GTF2IRD1: variants seen among roughly 807,000 people sequenced by gnomAD.
GTF2IRD1 encodes general transcription factor II-I repeat domain-containing protein 1.
GTF2IRD1 carries 26 observed loss-of-function variants against 113.2 expected under a neutral mutation model. The observed-to-expected ratio is 0.23, with a 90% CI of 0.17 to 0.32. The LOEUF is 0.32. GTF2IRD1 is among the 10% of genes least tolerant of loss of function. GTF2IRD1 has a pLI of 1.00. For missense variants in GTF2IRD1, 864 were observed against 1,280.8 expected (o/e 0.67, Z 4.97); for synonymous variants, 484 against 529.1 (o/e 0.91, Z 1.17).
In GTF2IRD1 at chr7:74,500,354, G is replaced by C. The variant is rs553634220; in HGVS notation, c.-6-7721G>C. Among the ~76,000 whole-genome samples the C allele has an allele frequency of 1.1e-4, 16 of 152,168 alleles. No individual in the cohort carries two copies. In the East Asian group the frequency reaches 1.9e-3, roughly 18 times the overall value. ...AGCACTTTGGGAGGGAGGCCAAGGT[G>C]GGTGGATCGCTTGGGCTCGGGAGTT... On this transcript the variant is annotated intron_variant, in intron 1 of 26. Coordinates refer to ENST00000424337, the MANE Select transcript of GTF2IRD1 (RefSeq NM_005685.4).
intron 4 of GTF2IRD1, 118 bp downstream of exon 4, chr7:74,515,714 A>G: frequency 1.3e-6 from 1 of 798,964 alleles, no homozygotes; most frequent in Non-Finnish European, 2.0e-6. Flanking sequence ...CCGGACCCCA[A>G]GGCATGGGGC....
rs28561964 is a variant in GTF2IRD1, at chr7:74,561,366, G to A, written c.2320+1711G>A. Among the ~76,000 whole-genome samples the A allele has an allele frequency of 2.7e-3, 275 of 100,320 alleles. 3 individuals carry two copies. The highest frequency in any genetic ancestry group is 0.013 in the East Asian group (23 of 1,782). 65.8% of individuals were successfully genotyped at this position (100,320 alleles called of 152,430 possible). A position where few individuals can be genotyped will look rare whatever the true frequency, so the allele number is the denominator to read the frequency against. ...TGTCTCAAAAAAAAAAAAAAAAAAAGAACTTAGGGTACAGTGATGTGGCGG... is the reference window on the plus strand; with the variant it reads ...TGTCTCAAAAAAAAAAAAAAAAAAAAAACTTAGGGTACAGTGATGTGGCGG... On this transcript the variant is annotated intron_variant, in intron 22 of 26. Coordinates refer to ENST00000424337, the MANE Select transcript of GTF2IRD1 (RefSeq NM_005685.4).
chr7:74,558,789 C>T lies in GTF2IRD1; in HGVS notation c.2108-72C>T, dbSNP rs7785665. ...CACGCATGTCTTTCCATCACATCCC[C>T]GCAATCCCATGTACACACACCCCAC... On this transcript the variant is annotated intron_variant, in intron 20 of 26. Transcript: ENST00000424337. 1.4e-5 allele frequency: 17 copies of T among 1,243,224 alleles called. No individual in the cohort carries two copies. In the Admixed American group the frequency reaches 2.3e-4, roughly 17 times the overall value. 77.0% of individuals were successfully genotyped at this position (1,243,224 alleles called of 1,614,324 possible).
At chr7:74,490,642 C>T (rs376335290) in intron 1 of GTF2IRD1, among the ~76,000 whole-genome samples, 4 of 147,646 alleles carry the variant, frequency 2.7e-5, no homozygotes, top group Admixed American at 6.9e-5. Flanking sequence ...GCGGATGGTG[C>T]GGGGGCCGTG....
rs147763522 is a variant in GTF2IRD1 at position 74,515,509 on chromosome 7, C to T, written c.334C>T (p.Arg112Cys). 392 of 1,612,924 alleles carry T rather than the reference C, an allele frequency of 2.4e-4. No homozygotes were observed. Among genetic ancestry groups the T allele is most frequent in the Non-Finnish European group, 2.8e-4 (333 of 1,179,312 alleles). Reference protein sequence around the residue: ...KKVQRGEGGGRSLPRSSLEHG... With the variant: ...KKVQRGEGGGCSLPRSSLEHG... Reference sequence around the variant, plus strand: ...GGTGCAGCGGGGCGAGGGTGGAGGCCGTAGCCTCCCTCGGTCCTCCCTGGA... The same window carrying T: ...GGTGCAGCGGGGCGAGGGTGGAGGCTGTAGCCTCCCTCGGTCCTCCCTGGA... The change falls in exon 4 of 27, where the codon CGT (arginine) becomes TGT (cysteine). Residue 112 changes from arginine (R) to cysteine (C), a missense_variant. Around this residue, in one of 7 missense-constraint regions of GTF2IRD1, gnomAD observed 182 missense variants for 266.6 expected, o/e 0.68. Coordinates refer to ENST00000424337, the MANE Select transcript of GTF2IRD1 (RefSeq NM_005685.4).
intron 25 of GTF2IRD1, among the ~76,000 whole-genome samples, chr7:74,599,843 C>T (rs1562906080): frequency 2.0e-5 from 3 of 152,090 alleles, no homozygotes; most frequent in Non-Finnish European, 4.4e-5. Context: ...TTTATACCCT[C>T]CCTGGACAAC....
At chr7:74,572,875 C>T (rs1439894744) in intron 22 of GTF2IRD1, among the ~76,000 whole-genome samples, 15 of 152,106 alleles carry the variant, frequency 9.9e-5, no homozygotes, top group Admixed American at 2.6e-4. Flanking sequence ...CTGGCATCTG[C>T]GGGGCGGGGC....
Position 74,544,809 on chromosome 7 carries a change from C to A in GTF2IRD1, c.1666+7C>A. ...GAGGAGAGGCCCGTGGAGGGTGAGG[C>A]CCTGTCTACCCCTGACATTTTACAC... On this transcript the variant is annotated splice_region_variant and intron_variant, in intron 15 of 26. Coordinates refer to ENST00000424337, the MANE Select transcript of GTF2IRD1 (RefSeq NM_005685.4). The A allele has an allele frequency of 6.2e-7, 1 of 1,610,506 alleles. No individual in the cohort carries two copies. Among genetic ancestry groups the A allele is most frequent in the Non-Finnish European group, 8.5e-7 (1 of 1,176,794 alleles).
At chr7:74,546,335 C>T (rs1554353257) in intron 16 of GTF2IRD1, among the ~76,000 whole-genome samples, 1 of 151,146 alleles carries the variant, frequency 6.6e-6, no homozygotes, top group Non-Finnish European at 1.5e-5. Context: ...AATTCTCCTG[C>T]CTCACCCTCC....
intron 2 of GTF2IRD1, among the ~76,000 whole-genome samples, chr7:74,510,493 G>T (rs1411299259): frequency 6.6e-6 from 1 of 151,508 alleles, no homozygotes; most frequent in African/African-American, 2.4e-5. Flanking sequence ...ATTTTTAGTA[G>T]AGACGGGGTT....
chr7:74,529,683 T>A, intron 8 of GTF2IRD1, 51 bp from the exon 9 acceptor site: 1 of 1,558,978 alleles, frequency 6.4e-7, no homozygotes, highest in Non-Finnish European at 8.8e-7. Context: ...GGGTCCTGTG[T>A]GTCCAGCAGC....
chr7:74,457,475 ACT>A (rs781913093), intron 1 of GTF2IRD1, among the ~76,000 whole-genome samples: 14 of 151,734 alleles, frequency 9.2e-5, no homozygotes, highest in East Asian at 1.9e-4. Context: ...GGCTAAGCAG[ACT>A]CTCTCCTATT....
intron 1 of GTF2IRD1, among the ~76,000 whole-genome samples, chr7:74,466,479 G>A (rs993945472): frequency 5.7e-4 from 87 of 152,148 alleles, no homozygotes; most frequent in African/African-American, 1.9e-3. Flanking sequence ...CCCTGCCTGT[G>A]TCTCTCTGTG....
chr7:74,521,374 G>A (rs184472922), intron 7 of GTF2IRD1, 77 bp downstream of exon 7: 16 of 863,154 alleles, frequency 1.9e-5, no homozygotes, highest in Admixed American at 3.5e-5. Context: ...AAATGGAAGT[G>A]TATCTCCTGG....
At chr7:74,588,355 A>G (rs1230774384) in intron 22 of GTF2IRD1, among the ~76,000 whole-genome samples, 2 of 150,826 alleles carry the variant, frequency 1.3e-5, no homozygotes, top group African/African-American at 4.9e-5. Context: ...TGATCTGCCA[A>G]TCTCAGCCTC....
chr7:74,557,450 T>C (rs1799667588), intron 19 of GTF2IRD1, among the ~76,000 whole-genome samples, 189 bp from the exon 20 acceptor site: 1 of 152,292 alleles, frequency 6.6e-6, no homozygotes, highest in African/African-American at 2.4e-5. Context: ...GTGGCAACAG[T>C]GCATGTCCTT....
intron 2 of GTF2IRD1, among the ~76,000 whole-genome samples, chr7:74,509,123 G>A (rs909830808): frequency 5.9e-5 from 9 of 152,146 alleles, no homozygotes; most frequent in African/African-American, 9.6e-5. Flanking sequence ...TTTAGGGGCC[G>A]AGGCGGGTGG....
At chr7:74,460,709 G>A (rs1456372142) in intron 1 of GTF2IRD1, among the ~76,000 whole-genome samples, 1 of 152,162 alleles carries the variant, frequency 6.6e-6, no homozygotes, top group Admixed American at 6.5e-5. Context: ...TATATTTAGA[G>A]ATGCTGGGAG....
intron 1 of GTF2IRD1, among the ~76,000 whole-genome samples, chr7:74,469,919 C>T (rs1793980736): frequency 6.6e-6 from 1 of 151,790 alleles, no homozygotes; most frequent in African/African-American, 2.4e-5. Flanking sequence ...TAGCAAGGCC[C>T]TGTCTCTACC....
Sources: allele counts gnomAD v4.1 joint callset (sites outside exome capture counted in the v4.1 genomes callset), GRCh38; gene constraint gnomAD v4.1.1; regional missense constraint gnomAD v4.1.1; transcripts MANE v1.5; gene names NCBI Gene and HGNC (gene_info 2026-07-23, HGNC 2026-07-21).